FMN1: variants seen among roughly 807,000 people sequenced by gnomAD.
The protein encoded by FMN1 is formin-1.
A neutral mutation model predicts 132.4 loss-of-function variants in FMN1; 110 were observed. That is an observed-to-expected ratio of 0.83 (90% CI 0.71 to 0.97). The LOEUF is 0.97. Among genes scored for constraint, FMN1 ranks in the 50% least tolerant of loss-of-function variants. The probability of loss-of-function intolerance (pLI) is 0.00; values close to 1 mark genes in which losing one functional copy is unlikely to be tolerated. For synonymous variants in FMN1, 722 were observed against 651.7 expected (o/e 1.11, Z -1.64); for missense variants, 1,792 against 1,705.3 (o/e 1.05, Z -0.90).
At chr15:33,070,926 C>T (rs1397715292) in intron 5 of FMN1, among the ~76,000 whole-genome samples, 2 of 152,156 alleles carry the variant, frequency 1.3e-5, no homozygotes, top group Admixed American at 6.5e-5. Flanking sequence ...TCTTGCCAGT[C>T]CACAGAAACA....
In FMN1 at chr15:33,153,160, G is replaced by A. The variant is rs1190005196; in HGVS notation, c.1755C>T (p.Ala585=). Residue 585 remains alanine (A), a synonymous_variant, in exon 4 of 21, where the codon GCC becomes GCT. Coordinates refer to ENST00000616417, the MANE Select transcript of FMN1 (RefSeq NM_001277313.2). ...GGCCTGCTCTGAGGAAGGCCGGGCT[G>A]GCTCCTTTGGTCTCCGTGACCTTTG... ...SSAKVTETKG[A]SPAFLRAGQP... The A allele has an allele frequency of 6.5e-7, 1 of 1,536,148 alleles. No individual in the cohort carries two copies.
rs952448313 is a variant in FMN1, at chr15:32,969,326, T to C, written c.2375A>G (p.Asp792Gly). The C allele has an allele frequency of 6.2e-6, 10 of 1,613,998 alleles. No individual in the cohort carries two copies. Among genetic ancestry groups the C allele is most frequent in the Non-Finnish European group, 7.6e-6 (9 of 1,179,888 alleles). Residue 792 changes from aspartate to glycine, a missense_variant, in exon 8 of 21, where the codon GAT becomes GGT. Asp to Gly is a moderately conservative substitution (Grantham distance 94). Coordinates refer to ENST00000616417, the MANE Select transcript of FMN1 (RefSeq NM_001277313.2). ...GAAGGTCTTTGGAGGGCAGTCATCA[T>C]CGGTGGAAATGCACACATCTTTCCT... Reference protein sequence around the residue: ...EERKDVCISTDDDCPPKTFRN... With the variant: ...EERKDVCISTGDDCPPKTFRN...
Position 32,771,456 on chromosome 15 carries a change from ATT to A in FMN1, c.*2852_*2853del, listed in dbSNP as rs1239046272. ...TTGTGTAATTTATGTAACTTATGAT[ATT>A]GTGTGCTCTGATGCTGTCAATTGCT... On this transcript the variant is annotated 3_prime_UTR_variant, in exon 21 of 21. Transcript: ENST00000616417. 1 of 152,152 alleles carries A rather than the reference ATT, an allele frequency of 6.6e-6. No homozygotes were observed. Among genetic ancestry groups the A allele is most frequent in the Non-Finnish European group, 1.5e-5 (1 of 68,018 alleles). The allele number at this position is 152,152 out of a possible 1,614,324, so 9.4% of individuals were successfully genotyped here.
intron 19 of FMN1, among the ~76,000 whole-genome samples, chr15:32,782,362 T>C (rs2056693005): frequency 6.6e-6 from 1 of 152,216 alleles, no homozygotes; most frequent in African/African-American, 2.4e-5. Flanking sequence ...TATAAAATGA[T>C]TGCTTTTTGC....
At chr15:33,173,790 G>A (rs11856718) in intron 3 of FMN1, among the ~76,000 whole-genome samples, 5 of 152,098 alleles carry the variant, frequency 3.3e-5, no homozygotes, top group African/African-American at 9.7e-5. Flanking sequence ...TTAGCCAGGC[G>A]TGGTGGCAGG....
intron 6 of FMN1, among the ~76,000 whole-genome samples, chr15:33,048,351 T>C (rs897767834): frequency 2.0e-5 from 3 of 151,984 alleles, no homozygotes; most frequent in Non-Finnish European, 2.9e-5. Context: ...GAATCTTGTA[T>C]GGTAAAATCT....
chr15:33,078,454 C>T (rs1275057203), intron 5 of FMN1, among the ~76,000 whole-genome samples: 1 of 152,126 alleles, frequency 6.6e-6, no homozygotes, highest in Non-Finnish European at 1.5e-5. Flanking sequence ...TAAAAAGCCT[C>T]ATGAAATATT....
At chr15:33,025,611 A>G (rs1250741250) in intron 6 of FMN1, among the ~76,000 whole-genome samples, 1 of 152,208 alleles carries the variant, frequency 6.6e-6, no homozygotes, top group Non-Finnish European at 1.5e-5. Flanking sequence ...AAACCCAACC[A>G]ACCAACAAAG....
At chr15:33,189,970 G>A (rs897986481) in intron 2 of FMN1, among the ~76,000 whole-genome samples, 1 of 152,184 alleles carries the variant, frequency 6.6e-6, no homozygotes, top group African/African-American at 2.4e-5. Flanking sequence ...GAGACCATAG[G>A]GATGTGCTTT....
At chr15:33,140,298 C>T (rs1963955662) in intron 4 of FMN1, among the ~76,000 whole-genome samples, 1 of 151,824 alleles carries the variant, frequency 6.6e-6, no homozygotes, top group Non-Finnish European at 1.5e-5. Flanking sequence ...CCATATGCTG[C>T]ACTGCAGGTG....
At chr15:32,847,705 C>G (rs896620413) in intron 17 of FMN1, among the ~76,000 whole-genome samples, 22 of 151,944 alleles carry the variant, frequency 1.4e-4, no homozygotes, top group Non-Finnish European at 5.9e-5. Context: ...ATTACAAAAA[C>G]TTAGCCAGGC....
chr15:33,142,940 G>C (rs1468578278), intron 4 of FMN1, among the ~76,000 whole-genome samples: 1 of 152,200 alleles, frequency 6.6e-6, no homozygotes, highest in African/African-American at 2.4e-5. Context: ...GACCAGTGAA[G>C]TACATGAAAC....
intron 16 of FMN1, among the ~76,000 whole-genome samples, chr15:32,876,881 G>C (rs1008205619): frequency 2.6e-5 from 4 of 152,202 alleles, no homozygotes; most frequent in Admixed American, 6.5e-5. Flanking sequence ...CATTTAATTT[G>C]TTGTAAGTTA....
intron 15 of FMN1, among the ~76,000 whole-genome samples, chr15:32,891,392 C>A (rs1485535513): frequency 6.6e-6 from 1 of 152,214 alleles, no homozygotes; most frequent in Non-Finnish European, 1.5e-5. Context: ...GGACCACAGG[C>A]ACCCGCCACC....
intron 17 of FMN1, among the ~76,000 whole-genome samples, chr15:32,830,629 C>A (rs1324117934): frequency 6.6e-6 from 1 of 152,226 alleles, no homozygotes; most frequent in South Asian, 2.1e-4. Flanking sequence ...TCTTCCCTCT[C>A]GTATCAGCTA....
At chr15:32,892,436 GAT>G (rs2060054345) in intron 15 of FMN1, among the ~76,000 whole-genome samples, 1 of 152,110 alleles carries the variant, frequency 6.6e-6, no homozygotes, top group African/African-American at 2.4e-5. Flanking sequence ...TTATCTTTTT[GAT>G]ATGTTGTTGG....
chr15:33,095,988 CAAGGTAAATACCAAAAAAAAAAA>C (rs2141388917), intron 4 of FMN1, among the ~76,000 whole-genome samples: 1 of 136,910 alleles, frequency 7.3e-6, no homozygotes, highest in South Asian at 2.4e-4. Flanking sequence ...ATATACGTAA[CAAGGTAAATACCAAAAAAAAAAA>C]AAGAAGGCAC....
At chr15:33,025,918 A>C (rs1316547973) in intron 6 of FMN1, among the ~76,000 whole-genome samples, 1 of 152,234 alleles carries the variant, frequency 6.6e-6, no homozygotes, top group Non-Finnish European at 1.5e-5. Context: ...GCACACCATT[A>C]CCCACATTTT....
chr15:32,844,969 A>G (rs903764153), intron 17 of FMN1, among the ~76,000 whole-genome samples: 1 of 152,230 alleles, frequency 6.6e-6, no homozygotes, highest in Non-Finnish European at 1.5e-5. Context: ...AGCAGAAGAA[A>G]CATACCCGTA....
Sources: allele counts gnomAD v4.1 joint callset (sites outside exome capture counted in the v4.1 genomes callset), GRCh38; gene constraint gnomAD v4.1.1; transcripts MANE v1.5; gene names NCBI Gene and HGNC (gene_info 2026-07-23, HGNC 2026-07-21).